MYO7B: variants seen among roughly 807,000 people sequenced by gnomAD.
MYO7B encodes the protein unconventional myosin-VIIb.
MYO7B carries 212 observed loss-of-function variants against 259.7 expected under a neutral mutation model. The ratio of observed to expected loss-of-function variants is 0.82; its 90% CI spans 0.73 to 0.91. MYO7B has a LOEUF of 0.91. Among genes scored for constraint, MYO7B ranks in the 40% least tolerant of loss-of-function variants. The pLI, the probability that MYO7B is intolerant of heterozygous loss-of-function variation, is 0.00. For synonymous variants in MYO7B, 1,197 were observed against 1,166.4 expected (o/e 1.03, Z -0.54); for missense variants, 2,732 against 2,813.5 (o/e 0.97, Z 0.66).
intron 40 of MYO7B, among the ~76,000 whole-genome samples, chr2:127,633,770 C>T (rs761150225): frequency 2.0e-5 from 3 of 152,162 alleles, no homozygotes; most frequent in Non-Finnish European, 4.4e-5. Flanking sequence ...GGTAGGAGAC[C>T]ACCAGGACCC....
chr2:127,629,623 A>C, intron 34 of MYO7B, 22 bp from the exon 35 acceptor site: 1 of 1,605,646 alleles, frequency 6.2e-7, no homozygotes, highest in Non-Finnish European at 8.5e-7. Flanking sequence ...GCCCTCAGCA[A>C]ATAGCCTCCC....
intron 3 of MYO7B, 129 bp from the exon 4 acceptor site, chr2:127,565,104 C>T: frequency 2.5e-6 from 3 of 1,213,702 alleles, no homozygotes; most frequent in Non-Finnish European, 3.4e-6. Flanking sequence ...AGGCTGGCCA[C>T]TGCCCCAGGT....
chr2:127,630,277 A>ACCCTCATAATAGCAGCTGC (rs1490123774), intron 35 of MYO7B, among the ~76,000 whole-genome samples: 1 of 152,130 alleles, frequency 6.6e-6, no homozygotes, highest in Non-Finnish European at 1.5e-5. Flanking sequence ...TAGCAGCTCC[A>ACCCTCATAATAGCAGCTGC]CCCTCAGGGC....
chr2:127,583,455 G>A (rs1038934805), intron 12 of MYO7B, among the ~76,000 whole-genome samples: 1 of 152,254 alleles, frequency 6.6e-6, no homozygotes, highest in Non-Finnish European at 1.5e-5. Flanking sequence ...AAGGCATAGA[G>A]AGCTCAAGTG....
rs1036546989 is a variant in MYO7B, at chr2:127,559,112, C to T, written c.-23-588C>T. 2.6e-5 allele frequency among the ~76,000 whole-genome samples: 4 copies of T among 152,168 alleles called. No homozygotes were observed. The highest frequency in any genetic ancestry group is 5.9e-5 in the Non-Finnish European group (4 of 68,042). Reference sequence around the variant, plus strand: ...TAAATGGGACAAGTGGGCTCCTCCCCGCTCCTCCTCCTGCTGGGCCTGGCT... The same window carrying T: ...TAAATGGGACAAGTGGGCTCCTCCCTGCTCCTCCTCCTGCTGGGCCTGGCT... On this transcript the variant is annotated intron_variant, in intron 1 of 47. Transcript: ENST00000409816. The surrounding 1 kb of genome is among the most constrained non-coding windows in gnomAD (Gnocchi z 4.1).
intron 19 of MYO7B, among the ~76,000 whole-genome samples, chr2:127,605,449 AG>A (rs1680126647): frequency 6.6e-6 from 1 of 152,196 alleles, no homozygotes; most frequent in Admixed American, 6.5e-5. Flanking sequence ...TACAAAAATT[AG>A]CTGGGCGTGG....
chr2:127,550,253 T>C (rs1693396111), intron 1 of MYO7B, among the ~76,000 whole-genome samples: 1 of 152,040 alleles, frequency 6.6e-6, no homozygotes, highest in African/African-American at 2.4e-5. Context: ...AGCCACTCCC[T>C]TGGACACCAA....
intron 44 of MYO7B, 68 bp downstream of exon 44, chr2:127,635,975 T>C (rs910786544): frequency 6.7e-7 from 1 of 1,503,582 alleles, no homozygotes; most frequent in Non-Finnish European, 8.9e-7. Flanking sequence ...ACCAGTGCCA[T>C]GCCCTGCCTG....
At position 127,633,253 on chromosome 2, in the gene MYO7B, C is replaced by T; in HGVS notation, c.5406-5C>T. ...GGCACCTGCAGCACACGCTGTCCCC[C>T]TCAGGACGGGGCCCCGGAAGCAGCC... is the stretch of plus-strand genomic sequence containing the variant. On this transcript the variant is annotated splice_region_variant and splice_polypyrimidine_tract_variant and intron_variant, in intron 39 of 47. Coordinates refer to ENST00000409816, the MANE Select transcript of MYO7B (RefSeq NM_001393586.1). 4 of 1,606,090 alleles carry T rather than the reference C, an allele frequency of 2.5e-6. No homozygotes were observed. Among genetic ancestry groups the T allele is most frequent in the Non-Finnish European group, 3.4e-6 (4 of 1,176,902 alleles).
At chr2:127,551,021 C>G (rs1693424902) in intron 1 of MYO7B, among the ~76,000 whole-genome samples, 1 of 123,378 alleles carries the variant, frequency 8.1e-6, no homozygotes, top group African/African-American at 3.1e-5. Flanking sequence ...CAGGGACCCT[C>G]ATAGGGTTTG....
chr2:127,547,147 C>T (rs754459801), intron 1 of MYO7B, among the ~76,000 whole-genome samples: 1 of 152,166 alleles, frequency 6.6e-6, no homozygotes, highest in South Asian at 2.1e-4. Flanking sequence ...CACCCTTCCA[C>T]CTACCGACTC....
chr2:127,636,493 T>G lies in MYO7B; in HGVS notation c.6124-52T>G, dbSNP rs1681816629. The G allele has an allele frequency of 6.4e-7, 1 of 1,551,944 alleles. No homozygotes were observed. The highest frequency in any genetic ancestry group is 1.2e-5 in the South Asian group (1 of 86,550). ...GTGGCCTAGATGAGCTCCTGGGAGG[T>G]GCAGCCTGGCCTCCCGGGCTGGACT... On this transcript the variant is annotated intron_variant, in intron 45 of 47. Coordinates refer to ENST00000409816, the MANE Select transcript of MYO7B (RefSeq NM_001393586.1). The surrounding 1 kb of genome is among the most constrained non-coding windows in gnomAD (Gnocchi z 4.5).
In MYO7B at chr2:127,588,573, C is replaced by G. The variant is rs1228268389; in HGVS notation, c.1854+18C>G. ...TCTTCAAGGTGGGCTCCCAGGCACC[C>G]TCCTGGGTCTGTCACCCCTGATGGC... On this transcript the variant is annotated intron_variant, in intron 15 of 47. Transcript: ENST00000409816. 4 of 1,612,108 alleles carry G rather than the reference C, an allele frequency of 2.5e-6. No individual in the cohort carries two copies. The highest frequency in any genetic ancestry group is 3.4e-6 in the Non-Finnish European group (4 of 1,179,522).
chr2:127,634,966 A>G (rs1389403974), intron 42 of MYO7B, 154 bp from the exon 43 acceptor site: 10 of 683,986 alleles, frequency 1.5e-5, no homozygotes, highest in African/African-American at 5.3e-5. Context: ...CAGCCTCTAC[A>G]CTAATATTGA....
intron 5 of MYO7B, 25 bp from the exon 6 acceptor site, chr2:127,569,764 A>G (rs1455888805): frequency 6.3e-7 from 1 of 1,592,996 alleles, no homozygotes; most frequent in Non-Finnish European, 8.6e-7. Context: ...TTGTGGCATC[A>G]TGTCCCTGCA....
chr2:127,543,403 G>C (rs185665094), intron 1 of MYO7B, among the ~76,000 whole-genome samples: 2 of 152,042 alleles, frequency 1.3e-5, no homozygotes, highest in African/African-American at 4.8e-5. Context: ...ATGTTTCTGC[G>C]AGCACAGGGT....
Position 127,581,072 on chromosome 2 carries a change from C to T in MYO7B, c.1080+250C>T, listed in dbSNP as rs369521728. On this transcript the variant is annotated intron_variant, in intron 10 of 47. Coordinates refer to ENST00000409816, the MANE Select transcript of MYO7B (RefSeq NM_001393586.1). ...TGTTTCCTCCCTTTCCCTCCATTTC[C>T]TCCTGCTTGTCAGTGGCCCTGTTTC... 7.4e-4 allele frequency among the ~76,000 whole-genome samples: 113 copies of T among 152,160 alleles called. 1 individual carries two copies. The highest frequency in any genetic ancestry group is 2.5e-3 in the African/African-American group (105 of 41,440).
chr2:127,602,857 G>A (rs753932617), intron 19 of MYO7B, among the ~76,000 whole-genome samples: 1 of 151,946 alleles, frequency 6.6e-6, no homozygotes, highest in Non-Finnish European at 1.5e-5. Context: ...AAAATTAGCC[G>A]GGCGTGGTGA....
At chr2:127,582,188 A>T in intron 11 of MYO7B, 116 bp from the exon 12 acceptor site, 1 of 1,465,718 alleles carries the variant, frequency 6.8e-7, no homozygotes, top group Non-Finnish European at 9.2e-7. Context: ...CTTGCCTTTG[A>T]AGGAGGGATA....
Sources: gnomAD v4.1 joint callset for allele counts (sites outside exome capture counted in the v4.1 genomes callset) on GRCh38, gnomAD v4.1.1 for gene constraint, Gnocchi (gnomAD v3.1) non-coding constraint, MANE v1.5 for transcripts, NCBI Gene and HGNC (gene_info 2026-07-23, HGNC 2026-07-21) for gene names.